DNAH6: variants seen among roughly 807,000 people sequenced by gnomAD.
DNAH6 encodes axonemal beta dynein heavy chain 6.
DNAH6 carries 340 observed loss-of-function variants against 491.4 expected under a neutral mutation model. The observed-to-expected ratio is 0.69, with a 90% confidence interval of 0.63 to 0.76. The LOEUF (loss-of-function observed/expected upper bound fraction) is 0.76. DNAH6 is among the 30% of genes least tolerant of loss of function. DNAH6 has a pLI of 0.00. For synonymous variants in DNAH6, 1,603 were observed against 1,686.1 expected, an observed-to-expected ratio of 0.95 and a Z score of 1.21; for missense variants, 4,443 against 4,972.2, an observed-to-expected ratio of 0.89 and a Z score of 3.20.
rs1339290621 is a variant in DNAH6 at position 84,812,407 on chromosome 2, G to A, written c.11806G>A (p.Val3936Met). The change falls in exon 73 of 77, where the codon GTG (valine) becomes ATG (methionine). Residue 3936 changes from valine to methionine, a missense_variant. Val to Met is a conservative substitution (Grantham distance 21). Coordinates refer to ENST00000389394, the MANE Select transcript of DNAH6 (RefSeq NM_001370.2). ...GGTGATGTCTGAAGAAATGGAAAAAGTGTATAACAGTTTCCTCAACAACCA... is the reference window on the plus strand; with the variant it reads ...GGTGATGTCTGAAGAAATGGAAAAAATGTATAACAGTTTCCTCAACAACCA... ...FVVMSEEMEK[V>M]YNSFLNNQVP... is the part of the protein sequence containing the mutation. 1.3e-6 allele frequency: 2 copies of A among 1,551,792 alleles called. No homozygotes were observed. The highest frequency in any genetic ancestry group is 3.9e-5 in the Admixed American group (2 of 50,992).
chr2:84,596,126 G>A (rs983348369), intron 18 of DNAH6, among the ~76,000 whole-genome samples: 2 of 152,122 alleles, frequency 1.3e-5, no homozygotes, highest in African/African-American at 4.8e-5. Flanking sequence ...TGTCCAATCG[G>A]CCTTGTCCAT....
the DNAH6 span, among the ~76,000 whole-genome samples, chr2:84,472,293 A>G: frequency 6.6e-6 from 1 of 151,820 alleles, no homozygotes. Flanking sequence ...TACCCATAGT[A>G]TGGGCAATAT....
chr2:84,703,970 A>G, intron 50 of DNAH6, 97 bp from the exon 51 acceptor site: 1 of 923,124 alleles, frequency 1.1e-6, no homozygotes, highest in Non-Finnish European at 1.6e-6. Flanking sequence ...CATTATTCTA[A>G]TCCAAAGGGC....
At chr2:84,560,870 T>G (rs1236850304) in intron 11 of DNAH6, among the ~76,000 whole-genome samples, 1 of 151,956 alleles carries the variant, frequency 6.6e-6, no homozygotes, top group Non-Finnish European at 1.5e-5. Flanking sequence ...TGTTGGACAT[T>G]TGGGTTGGTT....
chr2:84,727,830 G>C lies in DNAH6; in HGVS notation c.10134G>C (p.Met3378Ile). ...LIYSFMLCVE[M>I]MRQQGTLSDA... is the part of the protein sequence containing the mutation. ...ACAGCTTTATGCTTTGTGTTGAGAT[G>C]ATGCGTCAGCAAGGAACCCTATCTG... is the stretch of plus-strand genomic sequence containing the variant. The change falls in exon 61 of 77, where the codon ATG (methionine) becomes ATC (isoleucine). Residue 3378 changes from methionine to isoleucine, a missense_variant. This residue lies in a region of DNAH6 where 1,463 missense variants were observed against 1,656.6 expected (regional missense o/e 0.88). Coordinates refer to ENST00000389394, the MANE Select transcript of DNAH6 (RefSeq NM_001370.2). 6.4e-7 allele frequency: 1 copy of C among 1,552,156 alleles called. No individual in the cohort carries two copies. The highest frequency in any genetic ancestry group is 8.7e-7 in the Non-Finnish European group (1 of 1,147,064).
intron 64 of DNAH6, among the ~76,000 whole-genome samples, chr2:84,773,224 C>T (rs1203673686): frequency 6.6e-6 from 1 of 152,048 alleles, no homozygotes; most frequent in Non-Finnish European, 1.5e-5. Flanking sequence ...TCTTCCTCCC[C>T]TATCTGGTAG....
chr2:84,567,727 C>T (rs1681356615), intron 11 of DNAH6, among the ~76,000 whole-genome samples: 1 of 152,104 alleles, frequency 6.6e-6, no homozygotes, highest in African/African-American at 2.4e-5. Context: ...CCATTCAGGA[C>T]ATAGGCATGG....
intron 76 of DNAH6, among the ~76,000 whole-genome samples, chr2:84,818,810 A>C (rs564678558): frequency 4.4e-4 from 67 of 152,396 alleles, no homozygotes; most frequent in African/African-American, 1.4e-3. Context: ...GCAGTGGCTC[A>C]TGCCTGTAAT....
At chr2:84,470,098 A>G in the DNAH6 span, among the ~76,000 whole-genome samples, 1 of 152,168 alleles carries the variant, frequency 6.6e-6, no homozygotes, top group Admixed American at 6.5e-5. Flanking sequence ...CGGTGCATGC[A>G]GATGATTTTC....
rs1399018869 is a variant in DNAH6, at chr2:84,653,490, GT to G, written c.5252del (p.Leu1751Ter). 3 of 1,551,188 alleles carry G rather than the reference GT, an allele frequency of 1.9e-6. No individual in the cohort carries two copies. The highest frequency in any genetic ancestry group is 2.6e-6 in the Non-Finnish European group (3 of 1,146,736). On this transcript the variant is annotated frameshift_variant, in exon 34 of 77. Coordinates refer to ENST00000389394, the MANE Select transcript of DNAH6 (RefSeq NM_001370.2). LOFTEE classifies it high-confidence loss of function. ...ETMLVRHGVM[L>X]VGPTGGGKTT... ...CTATGCTAGTAAGGCATGGTGTTAT[GT>G]TAGTCGGGCCAACAGGAGGCGGCAA...
At chr2:84,763,459 C>T (rs1461987343) in intron 64 of DNAH6, among the ~76,000 whole-genome samples, 2 of 151,828 alleles carry the variant, frequency 1.3e-5, no homozygotes, top group African/African-American at 4.8e-5. Flanking sequence ...TTCAGTCTTC[C>T]TGACTCCTTT....
chr2:84,803,112 A>G (rs546671779), intron 70 of DNAH6, among the ~76,000 whole-genome samples: 1 of 152,366 alleles, frequency 6.6e-6, no homozygotes, highest in Admixed American at 6.5e-5. Context: ...AAAAGGTATT[A>G]ATAGAAAGAC....
At chr2:84,498,315 T>C in the DNAH6 span, among the ~76,000 whole-genome samples, 1 of 152,224 alleles carries the variant, frequency 6.6e-6, no homozygotes, top group African/African-American at 2.4e-5. Context: ...CATCACCCTG[T>C]CTTTAGACTC....
chr2:84,704,214 G>A lies in DNAH6; in HGVS notation c.8377G>A (p.Ala2793Thr), dbSNP rs762372146. Residue 2793 changes from alanine to threonine, a missense_variant, in exon 51 of 77, where the codon GCA becomes ACA. Around this residue, in one of 3 missense-constraint regions of DNAH6, gnomAD observed 1,463 missense variants for 1,656.6 expected, o/e 0.88. Transcript: ENST00000389394. ...TAAAGCACTGGATTCCTTAGATAAG[G>A]CAGATATATCTGAAATCAGAGTTTT... ...ANKALDSLDK[A>T]DISEIRVFTK... is the part of the protein sequence containing the mutation. The A allele has an allele frequency of 1.2e-5, 19 of 1,551,708 alleles. No homozygotes were observed. The highest frequency in any genetic ancestry group is 1.6e-5 in the Non-Finnish European group (18 of 1,147,026).
At chr2:84,665,556 G>T (rs921330208) in intron 37 of DNAH6, among the ~76,000 whole-genome samples, 2 of 152,144 alleles carry the variant, frequency 1.3e-5, no homozygotes, top group Non-Finnish European at 2.9e-5. Flanking sequence ...CCAGGAAGAA[G>T]TTGAATCCCT....
rs1429246465 is a variant in DNAH6 at position 84,607,120 on chromosome 2, T to TAA, written c.3294+26_3294+27insAA. ...GGTGAGTAAGAATAATTTTGATTCATACACTCAGAGAATTGGAGAGTCACA... is the reference window on the plus strand; with the variant it reads ...GGTGAGTAAGAATAATTTTGATTCATAAACACTCAGAGAATTGGAGAGTCACA... On this transcript the variant is annotated intron_variant, in intron 21 of 76. Transcript: ENST00000389394. The TAA allele has an allele frequency of 6.5e-6, 10 of 1,544,754 alleles. No individual in the cohort carries two copies. In the East Asian group the frequency reaches 2.2e-4, roughly 34 times the overall value.
intron 23 of DNAH6, among the ~76,000 whole-genome samples, chr2:84,618,919 G>A (rs557531413): frequency 6.6e-6 from 1 of 152,280 alleles, no homozygotes; most frequent in East Asian, 1.9e-4. Context: ...GCCACAGACA[G>A]TACGTCTGCA....
At chr2:84,513,663 G>GT (rs1275426181), upstream of DNAH6, among the ~76,000 whole-genome samples, 1 of 151,620 alleles carries the variant, frequency 6.6e-6, no homozygotes, top group African/African-American at 2.4e-5. Context: ...GTATGCTTGG[G>GT]TTTTTTTTAA....
the DNAH6 span, among the ~76,000 whole-genome samples, chr2:84,466,203 G>A: frequency 6.6e-6 from 1 of 152,198 alleles, no homozygotes; most frequent in African/African-American, 2.4e-5. Flanking sequence ...TACAGGGATT[G>A]TGTAGGCAAG....
Sources: allele counts gnomAD v4.1 joint callset (sites outside exome capture counted in the v4.1 genomes callset), GRCh38; gene constraint gnomAD v4.1.1; regional missense constraint gnomAD v4.1.1; transcripts MANE v1.5; gene names NCBI Gene and HGNC (gene_info 2026-07-23, HGNC 2026-07-21).